Variants in RPS24 observed in about 807,000 individuals in gnomAD.
The protein encoded by RPS24 is small ribosomal subunit protein eS24.
For synonymous variants in RPS24, 72 were observed against 55.6 expected, an observed-to-expected ratio of 1.30 and a Z score of -1.31; for missense variants, 100 against 162.5, an observed-to-expected ratio of 0.62 and a Z score of 2.09.
intron 4 of RPS24, chr10:78,037,535 G>A: frequency 1.7e-6 from 1 of 571,976 alleles, no homozygotes; most frequent in Non-Finnish European, 2.9e-6. Flanking sequence ...ACAATCTGGA[G>A]GCCACATTGG....
chr10:78,036,676 A>G (rs1847875779), intron 3 of RPS24: 1 of 158,988 alleles, frequency 6.3e-6, no homozygotes, highest in South Asian at 1.8e-4. Flanking sequence ...TGAAGCTGAG[A>G]TCCTTGTAAA....
chr10:78,044,996 G>A (rs576090310), downstream of RPS24, among the ~76,000 whole-genome samples: 45 of 151,924 alleles, frequency 3.0e-4, no homozygotes, highest in African/African-American at 1.1e-3. Flanking sequence ...AGTATTTATC[G>A]TATTTTTTTG....
chr10:78,037,954 T>C, intron 4 of RPS24: 1 of 1,257,634 alleles, frequency 8.0e-7, no homozygotes. Flanking sequence ...CTTGGATTTC[T>C]TGTTCATCAG....
intron 3 of RPS24, among the ~76,000 whole-genome samples, 169 bp from the exon 4 acceptor site, chr10:78,037,025 C>T (rs990360032): frequency 2.0e-5 from 3 of 152,164 alleles, no homozygotes; most frequent in African/African-American, 7.2e-5. Context: ...CCTAAAATCC[C>T]TTGATGATCC....
chr10:78,036,582 G>A (rs1402804826), intron 3 of RPS24: 1 of 154,354 alleles, frequency 6.5e-6, no homozygotes, highest in East Asian at 1.9e-4. Context: ...GGGATTACAG[G>A]TGTGAGCCAC....
intron 1 of RPS24, 37 bp downstream of exon 1, chr10:78,033,941 T>G (rs777199768): frequency 6.2e-7 from 1 of 1,613,620 alleles, no homozygotes; most frequent in Non-Finnish European, 8.5e-7. Flanking sequence ...ATCTGCCGCG[T>G]ATCCGAGCCA....
At chr10:78,049,685 A>C (rs1217226703) in intron 4 of RPS24, among the ~76,000 whole-genome samples, 1 of 152,228 alleles carries the variant, frequency 6.6e-6, no homozygotes, top group Non-Finnish European at 1.5e-5. Flanking sequence ...GTCTTCACCC[A>C]CAGTGGTGCT....
At position 78,033,883 on chromosome 10, in the gene RPS24, C is replaced by G. The variant is rs376766894; in HGVS notation, c.-19C>G. 15 of 1,613,964 alleles carry G rather than the reference C, an allele frequency of 9.3e-6. No individual in the cohort carries two copies. The highest frequency in any genetic ancestry group is 2.2e-5 in the South Asian group (2 of 91,094). On this transcript the variant is annotated 5_prime_UTR_variant, in exon 1 of 6. Transcript: ENST00000372360. The stretch of plus-strand genomic sequence containing the variant: ...TGGTTCTCTTTTCCTCCTTGGCTGT[C>G]TGAAGATAGATCGCCATCATGGTGA...
rs111859870 is a variant in RPS24, at chr10:78,037,050, A to G, written c.280-144A>G. The G allele has an allele frequency of 1.8e-4, 166 of 939,094 alleles. 4 individuals carry two copies. In the African/African-American group the frequency reaches 2.0e-3, roughly 11 times the overall value. The allele number at this position is 939,094 out of a possible 1,614,324, so 58.2% of individuals were successfully genotyped here. A position where few individuals can be genotyped will look rare whatever the true frequency, so the allele number is the denominator to read the frequency against. ...CTTGATGATCCTTTCTGTTCCAGCA[A>G]AAACATGCATTAAATGTACTTGAAA... On this transcript the variant is annotated intron_variant, in intron 3 of 5. Transcript: ENST00000372360.
At chr10:78,036,958 A>C (rs1847882357) in intron 3 of RPS24, among the ~76,000 whole-genome samples, 2 of 152,098 alleles carry the variant, frequency 1.3e-5, no homozygotes, top group South Asian at 4.1e-4. Flanking sequence ...AGTCTCCCAA[A>C]CTCCCTGTTG....
rs139181869 is a variant in RPS24 at position 78,037,277 on chromosome 10, A to G, written c.363A>G (p.Ala121=). 318 of 1,606,156 alleles carry G rather than the reference A, an allele frequency of 2.0e-4. No homozygotes were observed. In the African/African-American group the frequency reaches 3.8e-3, roughly 19 times the overall value. Reference sequence around the variant, plus strand: ...GAATGAAGAAAGTCAGGGGGACTGCAAAGGCCAATGTTGGTGCTGGCAAAA... The same window carrying G: ...GAATGAAGAAAGTCAGGGGGACTGCGAAGGCCAATGTTGGTGCTGGCAAAA... ...KNRMKKVRGT[A]KANVGAGKK is the part of the protein sequence containing the mutation. The change falls in exon 4 of 6, where the codon GCA becomes GCG. Residue 121 remains alanine, a synonymous_variant. Coordinates refer to ENST00000372360, the MANE Select transcript of RPS24 (RefSeq NM_033022.4).
At chr10:78,039,825 C>G (rs1351740097) in intron 4 of RPS24, 1 of 282,840 alleles carries the variant, frequency 3.5e-6, no homozygotes, top group Non-Finnish European at 6.8e-6. Context: ...ATTCTCGTAA[C>G]TGTTCCTGGT....
chr10:78,040,322 A>C, intron 5 of RPS24, 97 bp downstream of exon 5: 1 of 996,170 alleles, frequency 1.0e-6, no homozygotes, highest in Non-Finnish European at 1.6e-6. Context: ...GTACATCTAG[A>C]AGTAGATTTA....
chr10:78,047,875 G>A (rs1848062023), intron 4 of RPS24, among the ~76,000 whole-genome samples: 3 of 152,224 alleles, frequency 2.0e-5, no homozygotes, highest in Admixed American at 6.5e-5. Context: ...TCTTTGACAA[G>A]CATGGGTCCG....
At chr10:78,053,047 G>A (rs1308753619) in intron 4 of RPS24, among the ~76,000 whole-genome samples, 1 of 151,986 alleles carries the variant, frequency 6.6e-6, no homozygotes, top group Non-Finnish European at 1.5e-5. Context: ...CAGCTGCTTG[G>A]GAGCCTGAGG....
chr10:78,051,914 CTTTT>C (rs1194149129), intron 4 of RPS24, among the ~76,000 whole-genome samples: 1 of 151,970 alleles, frequency 6.6e-6, no homozygotes, highest in African/African-American at 2.4e-5. Flanking sequence ...GGTGATTTGT[CTTTT>C]TATTGTGTTG....
intron 4 of RPS24, among the ~76,000 whole-genome samples, chr10:78,045,900 G>A (rs1249901124): frequency 2.0e-5 from 3 of 152,028 alleles, no homozygotes; most frequent in African/African-American, 7.2e-5. Context: ...TACTCAGGAG[G>A]TGGAGGCACG....
intron 1 of RPS24, 71 bp downstream of exon 1, chr10:78,033,975 C>T (rs1010967725): frequency 6.3e-7 from 1 of 1,588,606 alleles, no homozygotes; most frequent in Admixed American, 1.7e-5. Flanking sequence ...GGTCCCAGTA[C>T]TTGAGCTATA....
At chr10:78,037,081 T>A (rs1336726301) in intron 3 of RPS24, 113 bp from the exon 4 acceptor site, 56 of 1,290,870 alleles carry the variant, frequency 4.3e-5, no homozygotes, top group Admixed American at 6.8e-5. Context: ...TGAAAAGTTT[T>A]GGTTTAGAAA....
Sources: allele counts gnomAD v4.1 joint callset (sites outside exome capture counted in the v4.1 genomes callset), GRCh38; gene constraint gnomAD v4.1.1; transcripts MANE v1.5; gene names NCBI Gene and HGNC (gene_info 2026-07-23, HGNC 2026-07-21).